RBFOX1: variants seen among roughly 807,000 people sequenced by gnomAD.
The protein encoded by RBFOX1 is RNA binding protein fox-1 homolog 1.
A neutral mutation model predicts 57.7 loss-of-function variants in RBFOX1; 8 were observed. The observed-to-expected ratio is 0.14, with a 90% CI of 0.08 to 0.25. The LOEUF is 0.25. RBFOX1 is among the 10% of genes least tolerant of loss of function. The pLI, the probability that RBFOX1 is intolerant of heterozygous loss-of-function variation, is 1.00. For missense variants in RBFOX1, 611 were observed against 548.5 expected (o/e 1.11, Z -1.14); for synonymous variants, 326 against 222.4 (o/e 1.47, Z -4.15).
chr16:5,344,751 C>A (rs75340523), intron 1 of RBFOX1, among the ~76,000 whole-genome samples: 1 of 152,070 alleles, frequency 6.6e-6, no homozygotes, highest in Non-Finnish European at 1.5e-5. Flanking sequence ...AATATAACTT[C>A]ATGAAAAAAG....
chr16:7,670,660 C>T (rs1017025052), intron 13 of RBFOX1, among the ~76,000 whole-genome samples: 1 of 152,136 alleles, frequency 6.6e-6, no homozygotes, highest in African/African-American at 2.4e-5. Context: ...TAAGCTTAGA[C>T]TTTTAACATA....
At chr16:6,920,497 G>A (rs1036146878) in intron 3 of RBFOX1, among the ~76,000 whole-genome samples, 1 of 152,198 alleles carries the variant, frequency 6.6e-6, no homozygotes, top group African/African-American at 2.4e-5. Flanking sequence ...AGTCCACAGA[G>A]GCTCTTGTAA....
Position 6,947,778 on chromosome 16 carries a change from C to G in RBFOX1, c.-15-104279C>G, listed in dbSNP as rs556065995. Among the ~76,000 whole-genome samples the G allele has an allele frequency of 5.9e-5, 9 of 152,184 alleles. No individual in the cohort carries two copies. The South Asian group carries it at 1.0e-3, about 18-fold the overall frequency. ...ATTCATCTGATTACATTTTCTCTTG[C>G]TCTTTTTCATTTTTTGGAGATGGAG... On this transcript the variant is annotated intron_variant, in intron 3 of 15. Transcript: ENST00000550418.
chr16:5,594,176 G>T lies in RBFOX1; in HGVS notation c.259-4726G>T, dbSNP rs540118545. 5.9e-5 allele frequency among the ~76,000 whole-genome samples: 9 copies of T among 152,252 alleles called. 1 individual carries two copies. In the South Asian group the frequency reaches 1.9e-3, roughly 32 times the overall value. The stretch of plus-strand genomic sequence containing the variant: ...TGCTCAGGAAGCTTTGATTGGCCAT[G>T]GTCTTGGCCTTCTGTTAACCTGTAG... On this transcript the variant is annotated intron_variant, in intron 2 of 2. Coordinates refer to the RBFOX1 transcript ENST00000585867.
intron 2 of RBFOX1, among the ~76,000 whole-genome samples, chr16:6,544,938 T>G (rs1298371004): frequency 6.6e-6 from 1 of 152,208 alleles, no homozygotes; most frequent in East Asian, 1.9e-4. Flanking sequence ...GAGTTTATTT[T>G]CTTACAGAGG....
intron 5 of RBFOX1, among the ~76,000 whole-genome samples, chr16:7,558,688 C>T (rs1231595998): frequency 2.7e-5 from 4 of 150,480 alleles, no homozygotes; most frequent in Admixed American, 1.3e-4. Context: ...TTCAACAGTC[C>T]ACCAGCTACC....
intron 1 of RBFOX1, among the ~76,000 whole-genome samples, chr16:5,258,379 A>G (rs1346591235): frequency 6.6e-6 from 1 of 151,086 alleles, no homozygotes; most frequent in Non-Finnish European, 1.5e-5. Context: ...ATTCACCCCT[A>G]TGTAATTTAC....
chr16:6,191,129 G>GTTTTTTTTTTTTT (rs5815289), intron 1 of RBFOX1, among the ~76,000 whole-genome samples: 1 of 133,948 alleles, frequency 7.5e-6, no homozygotes, highest in African/African-American at 2.8e-5. Flanking sequence ...TGCGTCTGTG[G>GTTTTTTTTTTTTT]TTTTTTTTTT....
chr16:5,892,706 A>T (rs768506493), intron 4 of RBFOX1, among the ~76,000 whole-genome samples: 1 of 152,190 alleles, frequency 6.6e-6, no homozygotes, highest in Non-Finnish European at 1.5e-5. Context: ...CTAAGTCAAG[A>T]TATGCAGCAC....
At chr16:7,267,620 T>A (rs1391125236) in intron 4 of RBFOX1, among the ~76,000 whole-genome samples, 1 of 146,960 alleles carries the variant, frequency 6.8e-6, no homozygotes, top group African/African-American at 2.5e-5. Context: ...TTTGGGAGGC[T>A]GAGGTGGGCG....
Position 7,062,338 on chromosome 16 carries a change from AG to A in RBFOX1, c.27+10241del, listed in dbSNP as rs61346458. ...ATCTCAAAAAAAAAAAAAAAAAAAA[AG>A]AAAAGAAAAAAGGAAAAATGGTAAT... On this transcript the variant is annotated intron_variant, in intron 4 of 15. Coordinates refer to ENST00000550418, the MANE Select transcript of RBFOX1 (RefSeq NM_018723.4). 9.4e-3 allele frequency among the ~76,000 whole-genome samples: 1,208 copies of A among 129,046 alleles called. 13 individuals are homozygous for A. Among genetic ancestry groups the A allele is most frequent in the Non-Finnish European group, 0.014 (863 of 60,674 alleles). The allele number at this position is 129,046 out of a possible 152,430, so 84.7% of individuals were successfully genotyped here.
intron 14 of RBFOX1, among the ~76,000 whole-genome samples, chr16:7,704,792 T>C (rs1016309506): frequency 6.6e-6 from 1 of 152,206 alleles, no homozygotes; most frequent in African/African-American, 2.4e-5. Context: ...AGCTCATGTT[T>C]GTAATCCTAG....
chr16:5,646,758 C>T (rs541324266), intron 3 of RBFOX1, among the ~76,000 whole-genome samples: 2 of 152,216 alleles, frequency 1.3e-5, no homozygotes, highest in South Asian at 2.1e-4. Flanking sequence ...CCTTAGCCTC[C>T]CAAGTAGCTG....
intron 4 of RBFOX1, among the ~76,000 whole-genome samples, chr16:7,248,306 C>T (rs1218062694): frequency 1.3e-5 from 2 of 152,210 alleles, no homozygotes; most frequent in African/African-American, 4.8e-5. Context: ...ACTGCTCACT[C>T]CCTTCCTTGT....
chr16:6,135,906 T>C (rs1463536208), intron 1 of RBFOX1, among the ~76,000 whole-genome samples: 1 of 148,798 alleles, frequency 6.7e-6, no homozygotes, highest in Non-Finnish European at 1.5e-5. Flanking sequence ...GTGATTCTCC[T>C]GCCTCAGCCT....
intron 4 of RBFOX1, among the ~76,000 whole-genome samples, chr16:7,405,013 A>G (rs1008663953): frequency 2.0e-5 from 3 of 152,280 alleles, no homozygotes; most frequent in African/African-American, 7.2e-5. Flanking sequence ...CTACACCACA[A>G]AGGGTATTAT....
At chr16:7,096,171 A>G (rs988740728) in intron 4 of RBFOX1, among the ~76,000 whole-genome samples, 1 of 152,218 alleles carries the variant, frequency 6.6e-6, no homozygotes, top group African/African-American at 2.4e-5. Flanking sequence ...ATAAAACACA[A>G]CACAATAACA....
At chr16:7,334,555 G>A (rs1387152073) in intron 4 of RBFOX1, among the ~76,000 whole-genome samples, 1 of 152,154 alleles carries the variant, frequency 6.6e-6, no homozygotes, top group Non-Finnish European at 1.5e-5. Context: ...GCTTTTGAAA[G>A]TTCTCATAAG....
intron 1 of RBFOX1, among the ~76,000 whole-genome samples, chr16:5,407,382 A>T (rs966038217): frequency 1.3e-5 from 2 of 152,100 alleles, no homozygotes; most frequent in Admixed American, 6.5e-5. Flanking sequence ...GTAGTGAGGC[A>T]TGGAGGGGCT....
Sources: allele counts gnomAD v4.1 joint callset (sites outside exome capture counted in the v4.1 genomes callset), GRCh38; gene constraint gnomAD v4.1.1; transcripts MANE v1.5; gene names NCBI Gene and HGNC (gene_info 2026-07-23, HGNC 2026-07-21).